Variants in MID1IP1 observed in about 807,000 individuals in gnomAD.
MID1IP1 encodes mid1-interacting protein 1.
In MID1IP1, 3 loss-of-function variants were observed where a neutral mutation model predicts 6.8. The ratio of observed to expected loss-of-function variants is 0.44; its 90% CI spans 0.20 to 1.14. MID1IP1 has a LOEUF of 1.14. Ranked by LOEUF, MID1IP1 falls within the 50% of genes most tolerant of loss-of-function variation. The probability of loss-of-function intolerance (pLI) is 0.26; values close to 1 mark genes in which losing one functional copy is unlikely to be tolerated. For missense variants in MID1IP1, 127 were observed against 158.4 expected, an observed-to-expected ratio of 0.80 and a Z score of 1.06; for synonymous variants, 87 against 70.4, an observed-to-expected ratio of 1.24 and a Z score of -1.18.
Position 38,803,259 on chromosome X carries a change from G to A in MID1IP1, c.-1419G>A, listed in dbSNP as rs368183033. On this transcript the variant is annotated 5_prime_UTR_variant, in exon 2 of 3. An upstream start codon of the reference 5' UTR is lost. Coordinates refer to ENST00000614558, the MANE Select transcript of MID1IP1 (RefSeq NM_021242.6). The stretch of plus-strand genomic sequence containing the variant: ...GTACATAGCTTAGGCCCTATTAAAT[G>A]ACCCAGTGCTTTAAGAACTATCTTT... The A allele has an allele frequency of 1.2e-4, 13 of 112,497 alleles. No individual in the cohort carries two copies. Among genetic ancestry groups the A allele is most frequent in the African/African-American group, 3.9e-4 (12 of 30,892 alleles). 9.3% of individuals were successfully genotyped at this position (112,497 alleles called of 1,213,427 possible). A position where few individuals can be genotyped will look rare whatever the true frequency, so the allele number is the denominator to read the frequency against.
chrX:38,804,691 T>A lies in MID1IP1; in HGVS notation c.-256T>A, dbSNP rs960527265. On this transcript the variant is annotated 5_prime_UTR_variant, in exon 3 of 3. Transcript: ENST00000614558. ...CTCCGTGTATCAAACAGGCCAGGGC[T>A]CGACCCACAGAGCACCCTCAGCCAT... The A allele has an allele frequency of 1.1e-5, 4 of 371,343 alleles. No individual in the cohort carries two copies. Among genetic ancestry groups the A allele is most frequent in the Non-Finnish European group, 1.9e-5 (4 of 213,337 alleles). The allele number at this position is 371,343 out of a possible 1,213,427, so 30.6% of individuals were successfully genotyped here. A position where few individuals can be genotyped will look rare whatever the true frequency, so the allele number is the denominator to read the frequency against.
At position 38,802,763 on chromosome X, in the gene MID1IP1, T is replaced by A. The variant is rs1475813523; in HGVS notation, c.-1915T>A. On this transcript the variant is annotated 5_prime_UTR_variant, in exon 2 of 3. Coordinates refer to ENST00000614558, the MANE Select transcript of MID1IP1 (RefSeq NM_021242.6). ...AGAGAAAAGGGATCTTTTTTTTTTT[T>A]ATTTGAGACAGAGTCTTGCTCTGTC... 9.0e-6 allele frequency: 1 copy of A among 110,991 alleles called. No individual in the cohort carries two copies. Among genetic ancestry groups the A allele is most frequent in the Admixed American group, 9.5e-5 (1 of 10,556 alleles). The allele number at this position is 110,991 out of a possible 1,213,427, so 9.1% of individuals were successfully genotyped here.
In MID1IP1 at chrX:38,806,385, C is replaced by G. The variant is rs1264034693; in HGVS notation, c.*887C>G. On this transcript the variant is annotated 3_prime_UTR_variant, in exon 3 of 3. Transcript: ENST00000614558. ...TTGTATGTCTTAAATTTATTTAAAACTTTTTTTAATCCAGATGTAGACTAT... is the reference window on the plus strand; with the variant it reads ...TTGTATGTCTTAAATTTATTTAAAAGTTTTTTTAATCCAGATGTAGACTAT... The G allele has an allele frequency of 1.6e-5, 2 of 123,179 alleles. No homozygotes were observed. The highest frequency in any genetic ancestry group is 2.8e-4 in the East Asian group (1 of 3,590). The allele number at this position is 123,179 out of a possible 1,213,427, so 10.2% of individuals were successfully genotyped here. A position where few individuals can be genotyped will look rare whatever the true frequency, so the allele number is the denominator to read the frequency against.
Position 38,805,839 on chromosome X carries a change from G to T in MID1IP1, c.*341G>T, listed in dbSNP as rs1041336915. The T allele has an allele frequency of 8.8e-5, 20 of 226,787 alleles. No homozygotes were observed. Among genetic ancestry groups the T allele is most frequent in the Non-Finnish European group, 1.6e-4 (19 of 120,758 alleles). 18.7% of individuals were successfully genotyped at this position (226,787 alleles called of 1,213,427 possible). Reference sequence around the variant, plus strand: ...TTTTCGGAGGAGAGGGCCCGAGAAGGGGCCATACCAGGGCGCGGCGCTGGG... The same window carrying T: ...TTTTCGGAGGAGAGGGCCCGAGAAGTGGCCATACCAGGGCGCGGCGCTGGG... On this transcript the variant is annotated 3_prime_UTR_variant, in exon 3 of 3. Coordinates refer to ENST00000614558, the MANE Select transcript of MID1IP1 (RefSeq NM_021242.6).
At chrX:38,804,600 G>A in intron 2 of MID1IP1, 83 bp from the exon 3 acceptor site, 1 of 176,906 alleles carries the variant, frequency 5.7e-6, no homozygotes, top group Non-Finnish European at 1.1e-5. Context: ...AGCCAGAGAA[G>A]GGGGTGCGCG....
At position 38,804,819 on chromosome X, in the gene MID1IP1, C is replaced by T; in HGVS notation, c.-128C>T. 1 of 709,535 alleles carries T rather than the reference C, an allele frequency of 1.4e-6. No individual in the cohort carries two copies. Among genetic ancestry groups the T allele is most frequent in the East Asian group, 3.5e-5 (1 of 28,214 alleles). The allele number at this position is 709,535 out of a possible 1,213,427, so 58.5% of individuals were successfully genotyped here. A position where few individuals can be genotyped will look rare whatever the true frequency, so the allele number is the denominator to read the frequency against. On this transcript the variant is annotated 5_prime_UTR_variant, in exon 3 of 3. Transcript: ENST00000614558. The stretch of plus-strand genomic sequence containing the variant: ...GAGGGCGGAGGAGTGCCGGGAATCC[C>T]GCCACACCGGCTATAGCCAGGCCCC...
In MID1IP1 at chrX:38,804,751, G is replaced by GC; in HGVS notation, c.-193dup. ...CCGGGCGCCAAAGCCAGGAGAAGCC[G>GC]CCCATCCCGCAGGGCCGGTCTGCCA... On this transcript the variant is annotated 5_prime_UTR_variant, in exon 3 of 3. Coordinates refer to ENST00000614558, the MANE Select transcript of MID1IP1 (RefSeq NM_021242.6). The GC allele has an allele frequency of 2.3e-6, 1 of 428,809 alleles. No homozygotes were observed. The highest frequency in any genetic ancestry group is 3.9e-6 in the Non-Finnish European group (1 of 256,945). 35.3% of individuals were successfully genotyped at this position (428,809 alleles called of 1,213,427 possible). A position where few individuals can be genotyped will look rare whatever the true frequency, so the allele number is the denominator to read the frequency against.
At position 38,805,693 on chromosome X, in the gene MID1IP1, C is replaced by G. The variant is rs1177408987; in HGVS notation, c.*195C>G. On this transcript the variant is annotated 3_prime_UTR_variant, in exon 3 of 3. Transcript: ENST00000614558. Reference sequence around the variant, plus strand: ...GTGTGAGAGAGAAGAAAATGGTGGCCGGAGATGGGAGGGCCCAAGGAACCT... The same window carrying G: ...GTGTGAGAGAGAAGAAAATGGTGGCGGGAGATGGGAGGGCCCAAGGAACCT... 2 of 464,272 alleles carry G rather than the reference C, an allele frequency of 4.3e-6. No homozygotes were observed. The highest frequency in any genetic ancestry group is 8.0e-5 in the Admixed American group (2 of 25,042). The allele number at this position is 464,272 out of a possible 1,213,427, so 38.3% of individuals were successfully genotyped here.
At position 38,805,401 on chromosome X, in the gene MID1IP1, G is replaced by T. The variant is rs751701861; in HGVS notation, c.455G>T (p.Arg152Leu). 8.3e-7 allele frequency: 1 copy of T among 1,205,723 alleles called. No individual in the cohort carries two copies. ...DLEQQFHYHLRGLHTVLSKLT... is the reference protein window; with the variant it reads ...DLEQQFHYHLLGLHTVLSKLT... The stretch of plus-strand genomic sequence containing the variant: ...GAACAGCAGTTCCACTACCACCTGC[G>T]CGGGCTGCACACTGTGCTCTCGAAA... Residue 152 changes from arginine (R) to leucine (L), a missense_variant, in exon 3 of 3, where the codon CGC (arginine) becomes CTC (leucine). Physicochemically the swap from Arg to Leu is moderately radical, Grantham distance 102. Transcript: ENST00000614558.
rs967078742 is a variant in MID1IP1, at chrX:38,806,507, T to A, written c.*1009T>A. 1 of 123,536 alleles carries A rather than the reference T, an allele frequency of 8.1e-6. No homozygotes were observed. The highest frequency in any genetic ancestry group is 1.9e-5 in the Non-Finnish European group (1 of 53,313). 10.2% of individuals were successfully genotyped at this position (123,536 alleles called of 1,213,427 possible). ...GAATGGTTTCGTCATTAAATAAAAA[T>A]CAATTTAATTGATTTACTAGCAAAA... On this transcript the variant is annotated 3_prime_UTR_variant, in exon 3 of 3. Transcript: ENST00000614558.
chrX:38,804,101 G>T lies in MID1IP1; in HGVS notation c.-577G>T, dbSNP rs1881129330. On this transcript the variant is annotated 5_prime_UTR_variant, in exon 2 of 3. Coordinates refer to ENST00000614558, the MANE Select transcript of MID1IP1 (RefSeq NM_021242.6). ...CGGGTATCAGGCGAGAGGCGGAGCT[G>T]GCCCGGCGCGCCCCGCCCCCGCTGT... is the stretch of plus-strand genomic sequence containing the variant. The T allele has an allele frequency of 8.8e-6, 1 of 113,379 alleles. No homozygotes were observed. Among genetic ancestry groups the T allele is most frequent in the Non-Finnish European group, 1.9e-5 (1 of 53,688 alleles). 9.3% of individuals were successfully genotyped at this position (113,379 alleles called of 1,213,427 possible).
rs2147496373 is a variant in MID1IP1, at chrX:38,802,828, C to A, written c.-1850C>A. The A allele has an allele frequency of 9.0e-6, 1 of 110,899 alleles. No homozygotes were observed. Among genetic ancestry groups the A allele is most frequent in the Admixed American group, 9.5e-5 (1 of 10,529 alleles). 9.1% of individuals were successfully genotyped at this position (110,899 alleles called of 1,213,427 possible). Reference sequence around the variant, plus strand: ...GCAGTGGCACGATCTCGGCTCACTGCAACTCCGCCTCCTGGGTTCAAGCAA... The same window carrying A: ...GCAGTGGCACGATCTCGGCTCACTGAAACTCCGCCTCCTGGGTTCAAGCAA... On this transcript the variant is annotated 5_prime_UTR_variant, in exon 2 of 3. Transcript: ENST00000614558.
chrX:38,804,985 G>T lies in MID1IP1; in HGVS notation c.39G>T (p.Ser13=), dbSNP rs750166647. ...QICDTYNQKH[S]LFNAMNRFIG... is the part of the protein sequence containing the mutation. ...GCGACACCTACAACCAGAAGCACTC[G>T]CTCTTTAACGCCATGAATCGCTTCA... Residue 13 remains serine, a synonymous_variant, in exon 3 of 3, where the codon TCG becomes TCT. Coordinates refer to ENST00000614558, the MANE Select transcript of MID1IP1 (RefSeq NM_021242.6). The T allele has an allele frequency of 2.5e-5, 30 of 1,188,069 alleles. No individual in the cohort carries two copies. The highest frequency in any genetic ancestry group is 3.5e-5 in the African/African-American group (2 of 56,862).
chrX:38,805,012 T>C lies in MID1IP1; in HGVS notation c.66T>C (p.Ile22=). Residue 22 remains isoleucine (I), a synonymous_variant, in exon 3 of 3, where the codon ATT becomes ATC. Transcript: ENST00000614558. ...TCTTTAACGCCATGAATCGCTTCAT[T>C]GGCGCCGTGAACAACATGGACCAGA... ...HSLFNAMNRF[I]GAVNNMDQTV... The C allele has an allele frequency of 3.3e-6, 4 of 1,205,607 alleles. No individual in the cohort carries two copies. Among genetic ancestry groups the C allele is most frequent in the Non-Finnish European group, 4.5e-6 (4 of 891,127 alleles).
rs2070511937 is a variant in MID1IP1 at position 38,805,660 on chromosome X, G to A, written c.*162G>A. The A allele has an allele frequency of 8.1e-6, 4 of 495,320 alleles. No homozygotes were observed. Among genetic ancestry groups the A allele is most frequent in the Non-Finnish European group, 1.4e-5 (4 of 293,007 alleles). The allele number at this position is 495,320 out of a possible 1,213,427, so 40.8% of individuals were successfully genotyped here. ...GGCGCGGTGGGGCTGCGTGGAGGAG[G>A]GGGCCACGTGTGAGAGAGAAGAAAA... On this transcript the variant is annotated 3_prime_UTR_variant, in exon 3 of 3. Transcript: ENST00000614558.
Position 38,804,758 on chromosome X carries a change from C to T in MID1IP1, c.-189C>T. ...CCAAAGCCAGGAGAAGCCGCCCATC[C>T]CGCAGGGCCGGTCTGCCAGCGAGAC... On this transcript the variant is annotated 5_prime_UTR_variant, in exon 3 of 3. Transcript: ENST00000614558. 1 of 457,276 alleles carries T rather than the reference C, an allele frequency of 2.2e-6. No homozygotes were observed. Among genetic ancestry groups the T allele is most frequent in the Non-Finnish European group, 3.6e-6 (1 of 278,407 alleles). The allele number at this position is 457,276 out of a possible 1,213,427, so 37.7% of individuals were successfully genotyped here.
Position 38,803,655 on chromosome X carries a change from G to C in MID1IP1, c.-1023G>C, listed in dbSNP as rs952345015. The C allele has an allele frequency of 2.7e-5, 3 of 112,966 alleles. No homozygotes were observed. The highest frequency in any genetic ancestry group is 5.6e-5 in the Non-Finnish European group (3 of 53,363). 9.3% of individuals were successfully genotyped at this position (112,966 alleles called of 1,213,427 possible). ...AGCTGACCAAGGCCAGGGCCACTGC[G>C]GGAGCACCGCGCGTCCACGTGCACC... On this transcript the variant is annotated 5_prime_UTR_variant, in exon 2 of 3. Transcript: ENST00000614558.
At position 38,805,575 on chromosome X, in the gene MID1IP1, T is replaced by G; in HGVS notation, c.*77T>G. ...CTCATTCCTCAAAGCTTTTTTTTTTTTTCCTGGCTGGGGGGCGGGAAGGGC... is the reference window on the plus strand; with the variant it reads ...CTCATTCCTCAAAGCTTTTTTTTTTGTTCCTGGCTGGGGGGCGGGAAGGGC... On this transcript the variant is annotated 3_prime_UTR_variant, in exon 3 of 3. Coordinates refer to ENST00000614558, the MANE Select transcript of MID1IP1 (RefSeq NM_021242.6). 1 of 991,516 alleles carries G rather than the reference T, an allele frequency of 1.0e-6. No individual in the cohort carries two copies. The highest frequency in any genetic ancestry group is 1.4e-6 in the Non-Finnish European group (1 of 728,749). 81.7% of individuals were successfully genotyped at this position (991,516 alleles called of 1,213,427 possible). A position where few individuals can be genotyped will look rare whatever the true frequency, so the allele number is the denominator to read the frequency against.
chrX:38,805,123 T>G lies in MID1IP1; in HGVS notation c.177T>G (p.Ser59Arg), dbSNP rs2070500817. 8.3e-7 allele frequency: 1 copy of G among 1,206,861 alleles called. No homozygotes were observed. The highest frequency in any genetic ancestry group is 1.8e-5 in the African/African-American group (1 of 57,140). The change falls in exon 3 of 3, where the codon AGT (serine) becomes AGG (arginine). Residue 59 changes from serine (S) to arginine (R), a missense_variant. Physicochemically the swap from Ser to Arg is moderately radical, Grantham distance 110. Transcript: ENST00000614558. ...ATGTTGGCGTGGAGGTAGGCGGCAG[T>G]GGCGGCTGCCTGGAGGAGCGCACGC... Reference protein sequence around the residue: ...DNDVGVEVGGSGGCLEERTPP... With the variant: ...DNDVGVEVGGRGGCLEERTPP...
Sources: allele counts gnomAD v4.1 joint callset, GRCh38; gene constraint gnomAD v4.1.1; transcripts MANE v1.5; gene names NCBI Gene and HGNC (gene_info 2026-07-23, HGNC 2026-07-21).